The following XYLT1 variants were observed in gnomAD, a reference collection of about 807,000 sequenced individuals.
XYLT1 encodes beta-D-xylosyltransferase 1.
XYLT1 carries 36 observed loss-of-function variants against 91.3 expected under a neutral mutation model. That is an observed-to-expected ratio of 0.39 (90% CI 0.30 to 0.52). XYLT1 has a LOEUF of 0.52. XYLT1 is among the 20% of genes least tolerant of loss of function. The pLI is 0.68. For missense variants in XYLT1, 1,242 were observed against 1,284.5 expected (o/e 0.97, Z 0.51); for synonymous variants, 588 against 532.0 (o/e 1.11, Z -1.45).
At chr16:17,138,917 GTGTGC>G (rs1311886292) in intron 7 of XYLT1, among the ~76,000 whole-genome samples, 2 of 152,178 alleles carry the variant, frequency 1.3e-5, no homozygotes, top group Non-Finnish European at 2.9e-5. Context: ...TGACTGACTG[GTGTGC>G]TGGAATTTCA....
intron 1 of XYLT1, among the ~76,000 whole-genome samples, chr16:17,423,237 G>A (rs910563622): frequency 6.6e-5 from 10 of 152,088 alleles, no homozygotes; most frequent in African/African-American, 2.4e-4. Flanking sequence ...CAGTGGGGCC[G>A]CCCTTCTCGG....
chr16:17,399,915 T>C (rs1362411365), intron 1 of XYLT1, among the ~76,000 whole-genome samples: 1 of 152,220 alleles, frequency 6.6e-6, no homozygotes, highest in Non-Finnish European at 1.5e-5. Flanking sequence ...AAGTACACAC[T>C]GCCAGAGATA....
rs551930211 is a variant in XYLT1, at chr16:17,273,536, G to A, written c.403-14038C>T. Among the ~76,000 whole-genome samples the A allele has an allele frequency of 6.6e-5, 10 of 152,240 alleles. No homozygotes were observed. The East Asian group carries it at 1.9e-3, about 29-fold the overall frequency. On this transcript the variant is annotated intron_variant, in intron 2 of 11. Coordinates refer to ENST00000261381, the MANE Select transcript of XYLT1 (RefSeq NM_022166.4). The stretch of plus-strand genomic sequence containing the variant: ...CATTAACAGCATCCCCAAGCAATTC[G>A]TCTGCACATCAAAAATTGAGAAGTA...
At chr16:17,456,410 T>C (rs2036743818) in intron 1 of XYLT1, among the ~76,000 whole-genome samples, 1 of 145,728 alleles carries the variant, frequency 6.9e-6, no homozygotes, top group Non-Finnish European at 1.5e-5. Flanking sequence ...CGATCACGGC[T>C]CACAGCAGCC....
intron 2 of XYLT1, among the ~76,000 whole-genome samples, chr16:17,321,185 C>T (rs1342264316): frequency 6.6e-6 from 1 of 151,834 alleles, no homozygotes; most frequent in Non-Finnish European, 1.5e-5. Flanking sequence ...TTACTCTCCC[C>T]GGGTGATTCC....
intron 1 of XYLT1, among the ~76,000 whole-genome samples, chr16:17,436,349 G>A (rs1252122554): frequency 6.6e-6 from 1 of 152,190 alleles, no homozygotes; most frequent in Non-Finnish European, 1.5e-5. Context: ...AGACAGGAAG[G>A]GGTAAAGGGA....
At chr16:17,156,413 T>C (rs2031409350) in intron 6 of XYLT1, among the ~76,000 whole-genome samples, 1 of 151,980 alleles carries the variant, frequency 6.6e-6, no homozygotes, top group African/African-American at 2.4e-5. Flanking sequence ...AGAAGAAGGG[T>C]TTTTCCTTCT....
chr16:17,134,017 G>A (rs760175174), intron 9 of XYLT1, among the ~76,000 whole-genome samples: 80 of 152,148 alleles, frequency 5.3e-4, no homozygotes, highest in Non-Finnish European at 7.5e-4. Context: ...GGGAGGAGGC[G>A]GAAGGTGGGT....
chr16:17,302,235 A>G (rs56122350), intron 2 of XYLT1, among the ~76,000 whole-genome samples: 1 of 151,582 alleles, frequency 6.6e-6, no homozygotes, highest in African/African-American at 2.4e-5. Context: ...ACTACTAATA[A>G]TAATAATAAT....
rs1171104992 is a variant in XYLT1 at position 17,127,688 on chromosome 16, A to T, written c.2201T>A (p.Phe734Tyr). 1 of 1,614,072 alleles carries T rather than the reference A, an allele frequency of 6.2e-7. No individual in the cohort carries two copies. Among genetic ancestry groups the T allele is most frequent in the Non-Finnish European group, 8.5e-7 (1 of 1,180,004 alleles). Residue 734 changes from phenylalanine to tyrosine, a missense_variant, in exon 10 of 12, where the codon TTT becomes TAT. Coordinates refer to ENST00000261381, the MANE Select transcript of XYLT1 (RefSeq NM_022166.4). The stretch of plus-strand genomic sequence containing the variant: ...TACCTCGGAAAACTGAAGCCTCCCA[A>T]AGTCACTGGGTGGGCTTGCGATCTT... ...VFKIASPPSD[F>Y]GRLQFSEVGT... is the part of the protein sequence containing the mutation.
intron 6 of XYLT1, among the ~76,000 whole-genome samples, chr16:17,157,201 C>T (rs1380145977): frequency 2.0e-5 from 3 of 152,098 alleles, no homozygotes; most frequent in Admixed American, 2.0e-4. Context: ...GCCTGCCTCA[C>T]CCTCCCAAAG....
intron 3 of XYLT1, chr16:17,250,852 A>G (rs1223042465): frequency 6.6e-6 from 1 of 152,272 alleles, no homozygotes; most frequent in Non-Finnish European, 1.5e-5. Context: ...GCTTCATCAC[A>G]TCACCCTCAT....
intron 2 of XYLT1, among the ~76,000 whole-genome samples, chr16:17,302,352 A>T (rs2034408770): frequency 6.6e-6 from 1 of 152,212 alleles, no homozygotes; most frequent in Admixed American, 6.5e-5. Flanking sequence ...ACACCGTCGT[A>T]GCAGACAGCC....
At chr16:17,404,153 C>T (rs1167240717) in intron 1 of XYLT1, among the ~76,000 whole-genome samples, 1 of 152,052 alleles carries the variant, frequency 6.6e-6, no homozygotes, top group East Asian at 1.9e-4. Flanking sequence ...CCAGGAGGGA[C>T]TCAGGGCCCA....
At chr16:17,463,576 C>T (rs1208965904) in intron 1 of XYLT1, among the ~76,000 whole-genome samples, 3 of 152,186 alleles carry the variant, frequency 2.0e-5, no homozygotes, top group African/African-American at 2.4e-5. Context: ...AAATAACAGA[C>T]GCTGGTGAGG....
rs542687883 is a variant in XYLT1 at position 17,334,744 on chromosome 16, G to A, written c.402+23268C>T. ...TAAAAATACAAAAAATTAGCCAGGCGTGGTGGCAGGTGCCTGTAGTCCCAG... is the reference window on the plus strand; with the variant it reads ...TAAAAATACAAAAAATTAGCCAGGCATGGTGGCAGGTGCCTGTAGTCCCAG... On this transcript the variant is annotated intron_variant, in intron 2 of 11. Transcript: ENST00000261381. Among the ~76,000 whole-genome samples, 94 of 152,242 alleles carry A rather than the reference G, an allele frequency of 6.2e-4. 1 individual carries two copies. The South Asian group carries it at 0.018, about 30-fold the overall frequency.
At chr16:17,337,096 T>G (rs967672797) in intron 2 of XYLT1, among the ~76,000 whole-genome samples, 2 of 152,182 alleles carry the variant, frequency 1.3e-5, no homozygotes, top group African/African-American at 2.4e-5. Context: ...GTGGGTTTTT[T>G]GGGTTTTTTT....
rs755996167 is a variant in XYLT1, at chr16:17,200,649, C to T, written c.919G>A (p.Ala307Thr). Residue 307 changes from alanine (A) to threonine (T), a missense_variant, in exon 4 of 12, where the codon GCC (alanine) becomes ACC (threonine). Coordinates refer to ENST00000261381, the MANE Select transcript of XYLT1 (RefSeq NM_022166.4). ...VTRFCPLEGKANKNVQWDEDS... is the reference protein window; with the variant it reads ...VTRFCPLEGKTNKNVQWDEDS... ...TCGTCCCACTGCACGTTCTTGTTGG[C>T]TTTACCTGGGGAAAATCCAAGAGAA... 1.1e-5 allele frequency: 18 copies of T among 1,612,422 alleles called. No homozygotes were observed. The highest frequency in any genetic ancestry group is 1.4e-5 in the Non-Finnish European group (17 of 1,178,580).
chr16:17,368,962 T>C (rs1019811539), intron 1 of XYLT1, among the ~76,000 whole-genome samples: 2 of 151,590 alleles, frequency 1.3e-5, no homozygotes, highest in African/African-American at 4.9e-5. Flanking sequence ...CTAATTTATA[T>C]AGGAGGAAAC....
Sources: gnomAD v4.1 joint callset for allele counts (sites outside exome capture counted in the v4.1 genomes callset) on GRCh38, gnomAD v4.1.1 for gene constraint, MANE v1.5 for transcripts, NCBI Gene and HGNC (gene_info 2026-07-23, HGNC 2026-07-21) for gene names.